The following SBF2 variants were observed in gnomAD, a reference collection of about 807,000 sequenced individuals.
SBF2 encodes SET binding factor 2, also known as myotubularin-related protein 13.
In SBF2, 112 loss-of-function variants were observed where a neutral mutation model predicts 225.2. The ratio of observed to expected loss-of-function variants is 0.50; its 90% CI spans 0.43 to 0.58. SBF2 has a LOEUF of 0.58. Ranked by LOEUF, SBF2 falls within the 20% of genes least tolerant of loss-of-function variation. The pLI is 0.00. For synonymous variants in SBF2, 763 were observed against 773.3 expected, an observed-to-expected ratio of 0.99 and a Z score of 0.22; for missense variants, 1,996 against 2,206.2, an observed-to-expected ratio of 0.90 and a Z score of 1.91.
chr11:10,027,570 T>A (rs930811241), intron 6 of SBF2, among the ~76,000 whole-genome samples: 2 of 152,096 alleles, frequency 1.3e-5, no homozygotes, highest in African/African-American at 2.4e-5. Context: ...TCAGCATAAC[T>A]AGGAAAAGAC....
At chr11:9,965,105 A>G (rs1020930041) in intron 14 of SBF2, among the ~76,000 whole-genome samples, 1 of 152,042 alleles carries the variant, frequency 6.6e-6, no homozygotes, top group African/African-American at 2.4e-5. Flanking sequence ...GCTCCCATTT[A>G]TAAGTGAGAA....
chr11:9,988,085 A>T (rs1360036865), intron 13 of SBF2, among the ~76,000 whole-genome samples: 1 of 152,122 alleles, frequency 6.6e-6, no homozygotes, highest in Non-Finnish European at 1.5e-5. Flanking sequence ...ATGGAACAGA[A>T]TAGAGAACCC....
At chr11:10,045,778 A>G (rs1297161443) in intron 2 of SBF2, among the ~76,000 whole-genome samples, 2 of 152,214 alleles carry the variant, frequency 1.3e-5, no homozygotes, top group African/African-American at 4.8e-5. Flanking sequence ...ATGGACAATC[A>G]GCATAGTCCT....
chr11:10,221,121 CTT>C (rs58196333), intron 1 of SBF2, among the ~76,000 whole-genome samples: 27 of 138,506 alleles, frequency 1.9e-4, no homozygotes, highest in Non-Finnish European at 1.7e-4. Flanking sequence ...CTGTTACTTC[CTT>C]TTTTTTTTTT....
intron 2 of SBF2, among the ~76,000 whole-genome samples, chr11:10,056,312 A>G (rs1950256112): frequency 6.6e-6 from 1 of 152,220 alleles, no homozygotes; most frequent in Admixed American, 6.5e-5. Flanking sequence ...ATAGCATTGA[A>G]TCTGTACATT....
chr11:9,942,985 AAG>A (rs1474103691), intron 16 of SBF2, among the ~76,000 whole-genome samples: 1 of 33,742 alleles, frequency 3.0e-5, no homozygotes, highest in Non-Finnish European at 8.3e-5. Context: ...AAGAGGAAGA[AAG>A]AAAGAAAGAA....
At chr11:10,157,890 C>T (rs1955549028) in intron 2 of SBF2, among the ~76,000 whole-genome samples, 1 of 152,168 alleles carries the variant, frequency 6.6e-6, no homozygotes, top group Non-Finnish European at 1.5e-5. Context: ...GAAGGATAAA[C>T]ATTTTCCTAA....
At chr11:9,987,323 G>GAA (rs1234294117) in intron 13 of SBF2, among the ~76,000 whole-genome samples, 2 of 152,066 alleles carry the variant, frequency 1.3e-5, no homozygotes, top group Non-Finnish European at 2.9e-5. Flanking sequence ...CCATAATACT[G>GAA]AATTGGGAAA....
intron 17 of SBF2, among the ~76,000 whole-genome samples, chr11:9,891,717 A>G (rs965486283): frequency 2.0e-5 from 3 of 152,268 alleles, no homozygotes; most frequent in Non-Finnish European, 4.4e-5. Flanking sequence ...GAGTTAATGA[A>G]TTACATGTTA....
chr11:9,868,085 G>A (rs1005705199), intron 17 of SBF2, among the ~76,000 whole-genome samples: 5 of 152,092 alleles, frequency 3.3e-5, no homozygotes, highest in South Asian at 4.2e-4. Context: ...ATTACACACC[G>A]TATACATGTA....
chr11:9,992,943 A>G lies in SBF2; in HGVS notation c.1167+47T>C, dbSNP rs1199118324. On this transcript the variant is annotated intron_variant, in intron 11 of 39. Coordinates refer to ENST00000256190, the MANE Select transcript of SBF2 (RefSeq NM_030962.4). ...AAAAAAAACCAAGTAGTTTTATTAAATTAGAATATATTTTTTGGACAGATA... is the reference window on the plus strand; with the variant it reads ...AAAAAAAACCAAGTAGTTTTATTAAGTTAGAATATATTTTTTGGACAGATA... 5 of 1,335,954 alleles carry G rather than the reference A, an allele frequency of 3.7e-6. No individual in the cohort carries two copies. The African/African-American group carries it at 7.3e-5, about 19-fold the overall frequency. The allele number at this position is 1,335,954 out of a possible 1,614,324, so 82.8% of individuals were successfully genotyped here. A position where few individuals can be genotyped will look rare whatever the true frequency, so the allele number is the denominator to read the frequency against.
chr11:10,193,605 GC>G (rs1957264040), intron 2 of SBF2, among the ~76,000 whole-genome samples: 1 of 151,940 alleles, frequency 6.6e-6, no homozygotes, highest in South Asian at 2.1e-4. Flanking sequence ...GCCCGCCTTG[GC>G]CTCCCAAAGT....
intron 2 of SBF2, among the ~76,000 whole-genome samples, chr11:10,174,219 C>T (rs150644894): frequency 7.9e-5 from 12 of 152,026 alleles, no homozygotes; most frequent in South Asian, 4.1e-4. Flanking sequence ...CTCTGAGCTA[C>T]GGGAGGAAAT....
chr11:9,898,379 T>A (rs1350847464), intron 16 of SBF2, among the ~76,000 whole-genome samples: 1 of 151,934 alleles, frequency 6.6e-6, no homozygotes, highest in Non-Finnish European at 1.5e-5. Flanking sequence ...GAAACAATAA[T>A]GGATTATAAG....
chr11:10,235,539 A>C (rs921328560), intron 1 of SBF2, among the ~76,000 whole-genome samples: 1 of 152,114 alleles, frequency 6.6e-6, no homozygotes, highest in Non-Finnish European at 1.5e-5. Context: ...AAAAAAAAAA[A>C]AAAACCAAAA....
chr11:9,827,993 C>T, intron 28 of SBF2: 1 of 421,828 alleles, frequency 2.4e-6, no homozygotes, highest in Non-Finnish European at 4.0e-6. Flanking sequence ...TACATTTGAC[C>T]ATTCATTCAG....
chr11:9,808,960 G>A lies in SBF2; in HGVS notation c.4198C>T (p.Leu1400Phe), dbSNP rs779762945. 1 of 1,614,022 alleles carries A rather than the reference G, an allele frequency of 6.2e-7. No homozygotes were observed. The highest frequency in any genetic ancestry group is 8.5e-7 in the Non-Finnish European group (1 of 1,179,926). Reference protein sequence around the residue: ...MQLAVVVSEVLENGSSVLVCL... With the variant: ...MQLAVVVSEVFENGSSVLVCL... ...ACCAAAACTGAGGAACCATTCTCAA[G>A]TACTTCTGATACAACCACAGCCAGC... Residue 1400 changes from leucine (L) to phenylalanine (F), a missense_variant, in exon 31 of 40, where the codon CTT becomes TTT. Leu to Phe is a conservative substitution (Grantham distance 22). Transcript: ENST00000256190.
intron 1 of SBF2, among the ~76,000 whole-genome samples, chr11:10,226,472 C>A: frequency 7.8e-6 from 1 of 127,442 alleles, no homozygotes; most frequent in Non-Finnish European, 1.6e-5. Flanking sequence ...TAATACTATC[C>A]CTCCCCCCTC....
At chr11:10,007,435 C>A (rs769356108) in intron 6 of SBF2, among the ~76,000 whole-genome samples, 1 of 152,088 alleles carries the variant, frequency 6.6e-6, no homozygotes, top group Non-Finnish European at 1.5e-5. Flanking sequence ...ACAAGCTCCA[C>A]GACCAGGAAT....
Sources: allele counts gnomAD v4.1 joint callset (sites outside exome capture counted in the v4.1 genomes callset), GRCh38; gene constraint gnomAD v4.1.1; transcripts MANE v1.5; gene names NCBI Gene and HGNC (gene_info 2026-07-23, HGNC 2026-07-21).